The following PEX7 variants were observed in gnomAD, a reference collection of about 807,000 sequenced individuals.
PEX7 encodes the protein peroxisomal biogenesis factor 7.
PEX7 carries 34 observed loss-of-function variants against 47.5 expected under a neutral mutation model. The observed-to-expected ratio is 0.72, with a 90% CI of 0.54 to 0.95. The LOEUF (loss-of-function observed/expected upper bound fraction) is 0.95, where lower values mean the gene tolerates loss of function less well. Ranked by LOEUF, PEX7 falls within the 40% of genes least tolerant of loss-of-function variation. PEX7 has a pLI of 0.00. For synonymous variants in PEX7, 141 were observed against 148.8 expected (o/e 0.95, Z 0.38); for missense variants, 394 against 400.3 (o/e 0.98, Z 0.13).
chr6:136,869,846 A>G (rs1333561117), intron 6 of PEX7, 44 bp from the exon 7 acceptor site: 4 of 1,412,790 alleles, frequency 2.8e-6, no homozygotes, highest in Non-Finnish European at 2.0e-6. Context: ...ATACTGTTTA[A>G]TTGCAAAGAT....
chr6:136,838,620 C>G (rs1774438036), intron 3 of PEX7, among the ~76,000 whole-genome samples: 1 of 152,052 alleles, frequency 6.6e-6, no homozygotes, highest in Non-Finnish European at 1.5e-5. Context: ...ATTAAGTAGC[C>G]ATTGTTAATC....
intron 8 of PEX7, among the ~76,000 whole-genome samples, chr6:136,887,677 C>T (rs778564170): frequency 7.2e-5 from 11 of 152,168 alleles, no homozygotes; most frequent in East Asian, 3.9e-4. Flanking sequence ...AAAGGACATA[C>T]GGGTGTTCAT....
Position 136,898,337 on chromosome 6 carries a change from T to G in PEX7, c.903+96T>G, listed in dbSNP as rs960455611. 10 of 809,074 alleles carry G rather than the reference T, an allele frequency of 1.2e-5. No individual in the cohort carries two copies. In the African/African-American group the frequency reaches 1.5e-4, roughly 12 times the overall value. The allele number at this position is 809,074 out of a possible 1,614,324, so 50.1% of individuals were successfully genotyped here. On this transcript the variant is annotated intron_variant, in intron 9 of 9. Coordinates refer to ENST00000318471, the MANE Select transcript of PEX7 (RefSeq NM_000288.4). ...TTTTATGAATAAAATTGTTGCCATT[T>G]TAGCTATATAAGCTGGAGCGTTTGA...
intron 3 of PEX7, among the ~76,000 whole-genome samples, chr6:136,843,385 G>A (rs148966643): frequency 1.2e-3 from 176 of 152,276 alleles, no homozygotes; most frequent in Non-Finnish European, 2.0e-3. Context: ...GGCAAACTAC[G>A]TCATGTGGAC....
intron 5 of PEX7, among the ~76,000 whole-genome samples, chr6:136,847,892 G>A (rs982930533): frequency 5.3e-5 from 8 of 152,174 alleles, no homozygotes; most frequent in African/African-American, 1.9e-4. Flanking sequence ...AAAGTCATTG[G>A]CAGCTTGATG....
Position 136,913,504 on chromosome 6 carries a change from C to T in PEX7, c.950C>T (p.Ala317Val), listed in dbSNP as rs541306617. 5.6e-6 allele frequency: 9 copies of T among 1,611,766 alleles called. No homozygotes were observed. In the African/African-American group the frequency reaches 1.2e-4, roughly 21 times the overall value. Residue 317 changes from alanine to valine, a missense_variant, in exon 10 of 10, where the codon GCT (alanine) becomes GTT (valine). Transcript: ENST00000318471. ...GAAACAATAAAGATCTATGACCCTG[C>T]TTGTCTTACTATTCCTGCTTGAGAT... ...WDETIKIYDP[A>V]CLTIPA
chr6:136,827,964 CTTCT>C (rs990590251), intron 3 of PEX7, among the ~76,000 whole-genome samples: 1 of 151,324 alleles, frequency 6.6e-6, no homozygotes, highest in African/African-American at 2.4e-5. Context: ...ATTTCTTTTC[CTTCT>C]TTCTTTTTTA....
At chr6:136,842,649 G>T (rs1469658822) in intron 3 of PEX7, among the ~76,000 whole-genome samples, 2 of 152,064 alleles carry the variant, frequency 1.3e-5, no homozygotes. Context: ...AAATTTAATT[G>T]GTTAAATTAT....
At chr6:136,878,102 G>A (rs1775308098) in intron 8 of PEX7, among the ~76,000 whole-genome samples, 1 of 152,142 alleles carries the variant, frequency 6.6e-6, no homozygotes, top group Non-Finnish European at 1.5e-5. Flanking sequence ...TTGGCTCTGT[G>A]TTTGTCTATT....
At chr6:136,897,631 G>A (rs1334982140) in intron 8 of PEX7, among the ~76,000 whole-genome samples, 1 of 152,166 alleles carries the variant, frequency 6.6e-6, no homozygotes, top group Non-Finnish European at 1.5e-5. Context: ...ATTTTCATAA[G>A]AGAACAGATT....
In PEX7 at chr6:136,913,429, T is replaced by C. The variant is rs1775963882; in HGVS notation, c.904-29T>C. On this transcript the variant is annotated intron_variant, in intron 9 of 9. Coordinates refer to ENST00000318471, the MANE Select transcript of PEX7 (RefSeq NM_000288.4). Reference sequence around the variant, plus strand: ...TTGAATTTTTGTATGTCTAAATACGTTTCTTCTTACTTCATTTTTGTTTTC... The same window carrying C: ...TTGAATTTTTGTATGTCTAAATACGCTTCTTCTTACTTCATTTTTGTTTTC... The C allele has an allele frequency of 5.9e-6, 9 of 1,534,762 alleles. No homozygotes were observed. In the South Asian group the frequency reaches 1.0e-4, roughly 17 times the overall value.
At chr6:136,878,793 A>T (rs1775323538) in intron 8 of PEX7, among the ~76,000 whole-genome samples, 1 of 152,030 alleles carries the variant, frequency 6.6e-6, no homozygotes, top group African/African-American at 2.4e-5. Context: ...CGAATGTGTC[A>T]TATTTTATGT....
At chr6:136,887,378 A>G (rs898360197) in intron 8 of PEX7, among the ~76,000 whole-genome samples, 1 of 152,146 alleles carries the variant, frequency 6.6e-6, no homozygotes, top group Admixed American at 6.6e-5. Flanking sequence ...TTAAATATCA[A>G]TATATGCAAG....
At chr6:136,897,651 G>T (rs916531655) in intron 8 of PEX7, among the ~76,000 whole-genome samples, 6 of 152,084 alleles carry the variant, frequency 3.9e-5, no homozygotes, top group African/African-American at 1.4e-4. Flanking sequence ...TTTTTTCAAA[G>T]AATTCTAATT....
At chr6:136,856,908 A>G (rs115180056) in intron 5 of PEX7, among the ~76,000 whole-genome samples, 2,392 of 152,340 alleles carry the variant, frequency 0.016, 72 homozygotes, top group African/African-American at 0.055. Context: ...TGTGAAATGG[A>G]TACAGTAAAG....
At chr6:136,822,883 C>T in intron 1 of PEX7, 88 bp downstream of exon 1, 3 of 1,223,318 alleles carry the variant, frequency 2.5e-6, no homozygotes, top group Non-Finnish European at 2.0e-6. Flanking sequence ...CGAGGGAAAG[C>T]CCCTCTGAGC....
At chr6:136,895,655 A>G (rs1356779734) in intron 8 of PEX7, among the ~76,000 whole-genome samples, 1 of 152,164 alleles carries the variant, frequency 6.6e-6, no homozygotes, top group Non-Finnish European at 1.5e-5. Flanking sequence ...TTGTTTTTAA[A>G]ATGTTGGTCT....
At chr6:136,840,042 G>A (rs140110801) in intron 3 of PEX7, among the ~76,000 whole-genome samples, 7 of 152,326 alleles carry the variant, frequency 4.6e-5, no homozygotes, top group East Asian at 3.9e-4. Flanking sequence ...AGTAGTGTTA[G>A]AGGCAAATGA....
At chr6:136,848,167 A>G (rs1017770226) in intron 5 of PEX7, among the ~76,000 whole-genome samples, 2 of 152,144 alleles carry the variant, frequency 1.3e-5, no homozygotes, top group Non-Finnish European at 2.9e-5. Flanking sequence ...GGTGTATAGG[A>G]ATGCTTGTGA....
Sources: allele counts gnomAD v4.1 joint callset (sites outside exome capture counted in the v4.1 genomes callset), GRCh38; gene constraint gnomAD v4.1.1; transcripts MANE v1.5; gene names NCBI Gene and HGNC (gene_info 2026-07-23, HGNC 2026-07-21).